The following DNAJB14 variants were observed in gnomAD, a reference collection of about 807,000 sequenced individuals.
DNAJB14 encodes the protein DnaJ heat shock protein family (Hsp40) member B14.
DNAJB14 carries 22 observed loss-of-function variants against 48.4 expected under a neutral mutation model. That is an observed-to-expected ratio of 0.45 (90% CI 0.32 to 0.65). The LOEUF (loss-of-function observed/expected upper bound fraction) is 0.65. DNAJB14 is among the 30% of genes least tolerant of loss of function. The pLI, the probability that DNAJB14 is intolerant of heterozygous loss-of-function variation, is 0.03. For missense variants in DNAJB14, 319 were observed against 458.8 expected (o/e 0.70, Z 2.78); for synonymous variants, 142 against 158.7 (o/e 0.89, Z 0.79).
At chr4:99,907,922 G>A (rs1036879383) in intron 4 of DNAJB14, among the ~76,000 whole-genome samples, 7 of 152,238 alleles carry the variant, frequency 4.6e-5, no homozygotes, top group African/African-American at 1.4e-4. Flanking sequence ...CTCACTTAAC[G>A]TCATCAAGAG....
Position 99,900,570 on chromosome 4 carries a change from GA to G in DNAJB14, c.*457del, listed in dbSNP as rs1725264541. On this transcript the variant is annotated 3_prime_UTR_variant, in exon 8 of 8. Coordinates refer to ENST00000442697, the MANE Select transcript of DNAJB14 (RefSeq NM_001031723.4). Reference sequence around the variant, plus strand: ...TCCACATATTTGACACCTTGATAAGGAAAATGTAAATGTGTCATATAACATT... The same window carrying G: ...TCCACATATTTGACACCTTGATAAGGAAATGTAAATGTGTCATATAACATT... The G allele has an allele frequency of 6.6e-6, 1 of 152,520 alleles. No individual in the cohort carries two copies. The highest frequency in any genetic ancestry group is 2.1e-4 in the South Asian group (1 of 4,822). The allele number at this position is 152,520 out of a possible 1,614,324, so 9.4% of individuals were successfully genotyped here.
In DNAJB14 at chr4:99,899,255, T is replaced by G. The variant is rs1224403615; in HGVS notation, c.*1773A>C. Reference sequence around the variant, plus strand: ...AATTAGAAAAATAAATAGATGAAATTTTTTTCATTCAAATTTTCATAAATT... The same window carrying G: ...AATTAGAAAAATAAATAGATGAAATGTTTTTCATTCAAATTTTCATAAATT... On this transcript the variant is annotated 3_prime_UTR_variant, in exon 8 of 8. Transcript: ENST00000442697. 6.6e-6 allele frequency: 1 copy of G among 151,872 alleles called. No individual in the cohort carries two copies. The highest frequency in any genetic ancestry group is 1.5e-5 in the Non-Finnish European group (1 of 67,800). 9.4% of individuals were successfully genotyped at this position (151,872 alleles called of 1,614,324 possible).
chr4:99,909,251 G>A (rs1578215409), intron 3 of DNAJB14, among the ~76,000 whole-genome samples: 1 of 151,888 alleles, frequency 6.6e-6, no homozygotes, highest in South Asian at 2.1e-4. Flanking sequence ...AGAACTGCCA[G>A]GCTCTGCACC....
At chr4:99,904,576 C>G (rs1725403113) in intron 6 of DNAJB14, among the ~76,000 whole-genome samples, 1 of 152,062 alleles carries the variant, frequency 6.6e-6, no homozygotes, top group South Asian at 2.1e-4. Flanking sequence ...GCAAATATTA[C>G]AAAATCTGAA....
intron 7 of DNAJB14, among the ~76,000 whole-genome samples, chr4:99,903,281 A>T (rs1384835573): frequency 3.3e-5 from 5 of 152,174 alleles, no homozygotes; most frequent in Admixed American, 2.0e-4. Flanking sequence ...AAAGTAAAGA[A>T]AAAAGAAATG....
intron 1 of DNAJB14, among the ~76,000 whole-genome samples, chr4:99,931,138 A>AT (rs1726452728): frequency 6.6e-6 from 1 of 152,166 alleles, no homozygotes; most frequent in Non-Finnish European, 1.5e-5. Context: ...TCACTAAAAG[A>AT]TTTTCACTAG....
chr4:99,924,640 A>G (rs1355527583), intron 2 of DNAJB14: 5 of 1,295,254 alleles, frequency 3.9e-6, no homozygotes, highest in Admixed American at 2.6e-5. Context: ...GGCATTTGAC[A>G]TATATCTGTA....
intron 1 of DNAJB14, among the ~76,000 whole-genome samples, chr4:99,937,335 GAGGAA>G (rs920671889): frequency 2.0e-5 from 3 of 152,024 alleles, no homozygotes; most frequent in Non-Finnish European, 4.4e-5. Flanking sequence ...CATCATAGTG[GAGGAA>G]AACAGCAATC....
At chr4:99,942,672 A>T (rs1014456216) in intron 1 of DNAJB14, 1 of 152,092 alleles carries the variant, frequency 6.6e-6, no homozygotes, top group Admixed American at 6.5e-5. Context: ...TTGGGGATTA[A>T]GTTTTTTGTC....
chr4:99,925,475 A>G (rs538405323), intron 2 of DNAJB14: 15 of 152,250 alleles, frequency 9.9e-5, no homozygotes, highest in African/African-American at 3.6e-4. Context: ...TTTTACACAA[A>G]TTATCTCATT....
chr4:99,908,729 C>CA lies in DNAJB14; in HGVS notation c.618dup (p.Gly207TrpfsTer8). 1 of 1,591,222 alleles carries CA rather than the reference C, an allele frequency of 6.3e-7. No individual in the cohort carries two copies. Among genetic ancestry groups the CA allele is most frequent in the Admixed American group, 1.8e-5 (1 of 54,888 alleles). The stretch of plus-strand genomic sequence containing the variant: ...AAAATACCTGAAGGAAATCCACCCC[C>CA]AAAAAATATATTAAACAAGTCTTCT... On this transcript the variant is annotated frameshift_variant, in exon 4 of 8. Coordinates refer to ENST00000442697, the MANE Select transcript of DNAJB14 (RefSeq NM_001031723.4). LOFTEE classifies it high-confidence loss of function.
chr4:99,939,170 T>C (rs537393864), intron 1 of DNAJB14, among the ~76,000 whole-genome samples: 1 of 152,300 alleles, frequency 6.6e-6, no homozygotes, highest in East Asian at 1.9e-4. Context: ...GAGACCAGCC[T>C]GGCCAACATG....
chr4:99,922,372 A>T (rs1202182136), intron 3 of DNAJB14: 1 of 152,158 alleles, frequency 6.6e-6, no homozygotes, highest in East Asian at 1.9e-4. Context: ...ACAATCACAA[A>T]TTTAGGCATT....
chr4:99,923,816 G>C (rs376770168), intron 2 of DNAJB14: 4 of 980,064 alleles, frequency 4.1e-6, no homozygotes, highest in East Asian at 2.3e-4. Flanking sequence ...TGGGATTATA[G>C]GCATAAACCA....
intron 1 of DNAJB14, among the ~76,000 whole-genome samples, chr4:99,939,108 T>C (rs2110223839): frequency 1.3e-5 from 2 of 152,350 alleles, no homozygotes; most frequent in South Asian, 4.1e-4. Context: ...ACGCCTGTAA[T>C]CCCAGCACTT....
At chr4:99,946,287 G>A in intron 1 of DNAJB14, 152 bp downstream of exon 1, 1 of 1,238,834 alleles carries the variant, frequency 8.1e-7, no homozygotes. Context: ...GCGGGGGTGT[G>A]TCGGGATGCT....
intron 1 of DNAJB14, among the ~76,000 whole-genome samples, chr4:99,939,806 T>C (rs769111242): frequency 2.0e-5 from 3 of 152,226 alleles, no homozygotes; most frequent in Non-Finnish European, 4.4e-5. Context: ...AGAAGATGAC[T>C]CAGTTCAACT....
At chr4:99,909,000 T>C in intron 3 of DNAJB14, 104 bp from the exon 4 acceptor site, 2 of 721,814 alleles carry the variant, frequency 2.8e-6, no homozygotes, top group Non-Finnish European at 4.1e-6. Context: ...TACCTAAAAC[T>C]ATCCAGAAAA....
chr4:99,908,316 T>C (rs1251822471), intron 4 of DNAJB14, among the ~76,000 whole-genome samples: 1 of 152,138 alleles, frequency 6.6e-6, no homozygotes, highest in African/African-American at 2.4e-5. Flanking sequence ...TAGCCAACTA[T>C]AATGTTATTG....
Sources: gnomAD v4.1 joint callset for allele counts (sites outside exome capture counted in the v4.1 genomes callset) on GRCh38, gnomAD v4.1.1 for gene constraint, MANE v1.5 for transcripts, NCBI Gene and HGNC (gene_info 2026-07-23, HGNC 2026-07-21) for gene names.